The following CALN1 variants were observed in gnomAD, a reference collection of about 807,000 sequenced individuals.
CALN1 encodes the protein calneuron 1, also known as calcium-binding protein 8.
A neutral mutation model predicts 30.6 loss-of-function variants in CALN1; 17 were observed. That is an observed-to-expected ratio of 0.56 (90% CI 0.38 to 0.83). CALN1 has a LOEUF of 0.83. Among genes scored for constraint, CALN1 ranks in the 40% least tolerant of loss-of-function variants. The pLI is 0.00. For synonymous variants in CALN1, 156 were observed against 131.4 expected (o/e 1.19, Z -1.28); for missense variants, 291 against 354.9 (o/e 0.82, Z 1.45).
intron 4 of CALN1, among the ~76,000 whole-genome samples, chr7:72,081,800 T>G (rs1181830074): frequency 1.3e-5 from 2 of 152,134 alleles, no homozygotes; most frequent in Non-Finnish European, 2.9e-5. Flanking sequence ...CGGGCATCTC[T>G]CCTACCCCAG....
intron 5 of CALN1, among the ~76,000 whole-genome samples, chr7:71,875,756 T>A (rs931239913): frequency 8.2e-5 from 12 of 146,948 alleles, no homozygotes; most frequent in African/African-American, 3.3e-4. Flanking sequence ...GTTCTTATAC[T>A]ACACACTAGA....
intron 3 of CALN1, among the ~76,000 whole-genome samples, chr7:72,130,178 C>A (rs1809039297): frequency 6.6e-6 from 1 of 152,164 alleles, no homozygotes; most frequent in South Asian, 2.1e-4. Context: ...GAGGCTGATG[C>A]CCAATTTTGA....
chr7:72,272,410 AAATTAGCTGGGTGTGGTGGTGCACG>A (rs1486771495), intron 3 of CALN1, among the ~76,000 whole-genome samples: 1 of 151,852 alleles, frequency 6.6e-6, no homozygotes, highest in African/African-American at 2.4e-5. Flanking sequence ...AAAAATACAA[AAATTAGCTGGGTGTGGTGGTGCACG>A]CCTGTAGTCC....
chr7:72,261,580 C>T (rs193160365), intron 3 of CALN1, among the ~76,000 whole-genome samples: 89 of 152,082 alleles, frequency 5.9e-4, no homozygotes, highest in Admixed American at 1.9e-3. Context: ...GTGCACATCA[C>T]GCTTGGATAA....
At chr7:71,805,900 T>G (rs910270151) in intron 6 of CALN1, among the ~76,000 whole-genome samples, 5 of 152,164 alleles carry the variant, frequency 3.3e-5, no homozygotes, top group African/African-American at 1.2e-4. Context: ...TGGCATACTA[T>G]GCAGCCATAA....
At chr7:72,433,862 G>A (rs977342203) in intron 1 of CALN1, among the ~76,000 whole-genome samples, 1 of 152,040 alleles carries the variant, frequency 6.6e-6, no homozygotes, top group Admixed American at 6.6e-5. Flanking sequence ...TTCCAGACCA[G>A]CCTGGGCAAC....
chr7:72,492,058 C>T, the CALN1 span, among the ~76,000 whole-genome samples: 1 of 152,184 alleles, frequency 6.6e-6, no homozygotes, highest in Non-Finnish European at 1.5e-5. Context: ...CATCTCTACC[C>T]TTGGGCTCAA....
intron 3 of CALN1, among the ~76,000 whole-genome samples, chr7:72,172,375 G>T (rs956015663): frequency 1.3e-5 from 2 of 152,178 alleles, no homozygotes; most frequent in Non-Finnish European, 2.9e-5. Flanking sequence ...AACCAGTGAT[G>T]GAGAAGACTT....
chr7:71,904,544 G>A (rs1387909154), intron 5 of CALN1, among the ~76,000 whole-genome samples: 1 of 152,142 alleles, frequency 6.6e-6, no homozygotes, highest in Non-Finnish European at 1.5e-5. Context: ...GACTGGGGTG[G>A]GTAGTGGGGA....
intron 1 of CALN1, among the ~76,000 whole-genome samples, chr7:72,404,545 C>A (rs1051204172): frequency 1.3e-5 from 2 of 152,182 alleles, no homozygotes; most frequent in Non-Finnish European, 2.9e-5. Flanking sequence ...AGAGTTGTAC[C>A]CATAAGAACG....
intron 3 of CALN1, among the ~76,000 whole-genome samples, chr7:72,265,661 C>T (rs1317799658): frequency 6.6e-6 from 1 of 152,032 alleles, no homozygotes; most frequent in African/African-American, 2.4e-5. Context: ...GAGATAAACA[C>T]GTGGTTACTC....
chr7:72,346,705 C>T (rs1284189422), intron 2 of CALN1, among the ~76,000 whole-genome samples: 4 of 151,960 alleles, frequency 2.6e-5, no homozygotes, highest in South Asian at 2.1e-4. Context: ...TTAGTAGAGA[C>T]GGGGCTTCAC....
chr7:72,258,504 T>C (rs1250942676), intron 3 of CALN1, among the ~76,000 whole-genome samples: 2 of 152,192 alleles, frequency 1.3e-5, no homozygotes, highest in Non-Finnish European at 2.9e-5. Flanking sequence ...TAAACCAGAT[T>C]AATTGAGCAC....
At chr7:72,393,186 G>A (rs549850447) in intron 2 of CALN1, among the ~76,000 whole-genome samples, 38 of 152,160 alleles carry the variant, frequency 2.5e-4, no homozygotes, top group East Asian at 2.3e-3. Context: ...CTAGCACTCC[G>A]GCTGGGCGCA....
intron 3 of CALN1, among the ~76,000 whole-genome samples, chr7:72,257,759 T>C (rs1235633947): frequency 6.6e-6 from 1 of 152,204 alleles, no homozygotes; most frequent in Admixed American, 6.5e-5. Context: ...GTATATGTTA[T>C]GTGCACCACG....
At chr7:72,055,221 C>T (rs7778656) in intron 4 of CALN1, among the ~76,000 whole-genome samples, 33,963 of 151,864 alleles carry the variant, frequency 0.22, 4,698 homozygotes, top group East Asian at 0.62. Context: ...TTTGCATGGG[C>T]CAGACCTGGG....
At chr7:72,211,815 G>T (rs75141388) in intron 3 of CALN1, among the ~76,000 whole-genome samples, 4,174 of 152,078 alleles carry the variant, frequency 0.027, 126 homozygotes, top group Non-Finnish European at 0.034. Flanking sequence ...TTTCTTCCAC[G>T]TATTAGCTGA....
intron 5 of CALN1, among the ~76,000 whole-genome samples, chr7:71,919,426 T>C (rs188133667): frequency 5.4e-4 from 83 of 152,342 alleles, no homozygotes; most frequent in African/African-American, 1.9e-3. Context: ...TCAGCATGGA[T>C]TGAATGTCCC....
intron 3 of CALN1, among the ~76,000 whole-genome samples, chr7:72,197,445 C>A (rs1182989088): frequency 6.6e-6 from 1 of 152,060 alleles, no homozygotes; most frequent in Admixed American, 6.6e-5. Context: ...CGTGATCCAT[C>A]TGCCTTGGCC....
Sources: gnomAD v4.1 joint callset for allele counts (sites outside exome capture counted in the v4.1 genomes callset) on GRCh38, gnomAD v4.1.1 for gene constraint, MANE v1.5 for transcripts, NCBI Gene and HGNC (gene_info 2026-07-23, HGNC 2026-07-21) for gene names.